Variants in PSG3 observed in about 807,000 individuals in gnomAD.
PSG3 encodes the protein pregnancy specific beta-1-glycoprotein 3.
A neutral mutation model predicts 47.5 loss-of-function variants in PSG3; 61 were observed. The ratio of observed to expected loss-of-function variants is 1.28; its 90% CI spans 1.05 to 1.59. The LOEUF is 1.59. PSG3 is among the 40% of genes most tolerant of loss of function. The probability of loss-of-function intolerance (pLI) is 0.00; values close to 1 mark genes in which losing one functional copy is unlikely to be tolerated. For synonymous variants in PSG3, 263 were observed against 198.4 expected, an observed-to-expected ratio of 1.33 and a Z score of -2.74; for missense variants, 756 against 524.0, an observed-to-expected ratio of 1.44 and a Z score of -4.32.
rs560458471 is a variant in PSG3, at chr19:42,722,008, C to G, written c.*123G>C. 1 of 416,548 alleles carries G rather than the reference C, an allele frequency of 2.4e-6. No individual in the cohort carries two copies. The highest frequency in any genetic ancestry group is 4.4e-6 in the Non-Finnish European group (1 of 227,288). 25.8% of individuals were successfully genotyped at this position (416,548 alleles called of 1,614,324 possible). ...TGTATTCAAGAGTCCTTGTCAGAGTCTTTTCATAAATCTCCTTGAACAAAA... is the reference window on the plus strand; with the variant it reads ...TGTATTCAAGAGTCCTTGTCAGAGTGTTTTCATAAATCTCCTTGAACAAAA... On this transcript the variant is annotated 3_prime_UTR_variant, in exon 7 of 7. Coordinates refer to ENST00000327495, the MANE Select transcript of PSG3 (RefSeq NM_021016.4).
At chr19:42,726,872 G>A (rs1334784520) in intron 5 of PSG3, among the ~76,000 whole-genome samples, 1 of 152,176 alleles carries the variant, frequency 6.6e-6, no homozygotes, top group African/African-American at 2.4e-5. Context: ...CACACTTCCT[G>A]ATTTCAGCAT....
At chr19:42,732,649 G>A in intron 3 of PSG3, 135 bp downstream of exon 3, 16 of 1,599,244 alleles carry the variant, frequency 1.0e-5, no homozygotes, top group Middle Eastern at 1.8e-4. Flanking sequence ...GCCTGGGGCA[G>A]AAAGTCATGG....
intron 5 of PSG3, among the ~76,000 whole-genome samples, chr19:42,726,579 C>G (rs1268616645): frequency 6.6e-6 from 1 of 151,810 alleles, no homozygotes; most frequent in Non-Finnish European, 1.5e-5. Context: ...ATGAGTTTAA[C>G]CAAAGAGGTA....
At chr19:42,726,696 TAGG>T (rs992020260) in intron 5 of PSG3, among the ~76,000 whole-genome samples, 3 of 152,220 alleles carry the variant, frequency 2.0e-5, no homozygotes, top group African/African-American at 7.2e-5. Flanking sequence ...TCAATATTGT[TAGG>T]AGGACAGTGC....
intron 2 of PSG3, among the ~76,000 whole-genome samples, chr19:42,738,053 A>T (rs1969595895): frequency 6.6e-6 from 1 of 152,116 alleles, no homozygotes; most frequent in Non-Finnish European, 1.5e-5. Context: ...GGGACATTAG[A>T]CTTTCTATGG....
chr19:42,739,044 G>A lies in PSG3; in HGVS notation c.110C>T (p.Thr37Met), dbSNP rs368098899. The A allele has an allele frequency of 1.7e-5, 27 of 1,612,830 alleles. No individual in the cohort carries two copies. Among genetic ancestry groups the A allele is most frequent in the African/African-American group, 9.4e-5 (7 of 74,804 alleles). The change falls in exon 2 of 7, where the codon ACG becomes ATG. Residue 37 changes from threonine (T) to methionine (M), a missense_variant. Thr to Met is a moderately conservative substitution (Grantham distance 81). Coordinates refer to ENST00000327495, the MANE Select transcript of PSG3 (RefSeq NM_021016.4). Reference sequence around the variant, plus strand: ...AACTTTGGTTGGCTCGGCTTCAATCGTGACTTGGGCAGTGGTAGGCAAGTT... The same window carrying A: ...AACTTTGGTTGGCTCGGCTTCAATCATGACTTGGGCAGTGGTAGGCAAGTT... ...FWNLPTTAQVTIEAEPTKVSK... is the reference protein window; with the variant it reads ...FWNLPTTAQVMIEAEPTKVSK...
At chr19:42,736,389 G>A (rs1474991823) in intron 2 of PSG3, among the ~76,000 whole-genome samples, 2 of 152,076 alleles carry the variant, frequency 1.3e-5, no homozygotes, top group African/African-American at 2.4e-5. Context: ...ACCTAGAGGT[G>A]GATTCAAGCA....
intron 2 of PSG3, chr19:42,733,387 C>A (rs1471972109): frequency 8.7e-5 from 33 of 378,158 alleles, no homozygotes; most frequent in Non-Finnish European, 2.4e-5. Flanking sequence ...CCTGGCCCAC[C>A]TTGTGGTCCT....
At chr19:42,739,511 T>A in intron 1 of PSG3, 2 of 187,386 alleles carry the variant, frequency 1.1e-5, no homozygotes, top group Non-Finnish European at 2.3e-5. Context: ...ACACCTGACC[T>A]CACATTCTAG....
In PSG3 at chr19:42,740,327, G is replaced by C. The variant is rs778276569; in HGVS notation, c.58C>G (p.Leu20Val). 1.4e-5 allele frequency: 23 copies of C among 1,613,796 alleles called. No individual in the cohort carries two copies. The highest frequency in any genetic ancestry group is 2.2e-5 in the South Asian group (2 of 91,076). ...TQRITWKGLL[L>V]TALLLNFWNL... is the part of the protein sequence containing the mutation. ...CAGGAAGTTCTCTCCTCACCTGTGA[G>C]CAGGAGCCCCTTCCAGGTGATGCGC... Residue 20 changes from leucine to valine, a missense_variant, in exon 1 of 7, where the codon CTC becomes GTC. Coordinates refer to ENST00000327495, the MANE Select transcript of PSG3 (RefSeq NM_021016.4).
At position 42,721,757 on chromosome 19, in the gene PSG3, ATACTT is replaced by A. The variant is rs1340298441; in HGVS notation, c.*369_*373del. 2.5e-6 allele frequency: 1 copy of A among 400,232 alleles called. No homozygotes were observed. Among genetic ancestry groups the A allele is most frequent in the South Asian group, 1.4e-4 (1 of 6,968 alleles). 24.8% of individuals were successfully genotyped at this position (400,232 alleles called of 1,614,324 possible). A position where few individuals can be genotyped will look rare whatever the true frequency, so the allele number is the denominator to read the frequency against. The stretch of plus-strand genomic sequence containing the variant: ...TGTTTCAATTTTTGTTTACAAAAGT[ATACTT>A]TACCAATTGCTGAAGAAAAAAAGTG... On this transcript the variant is annotated 3_prime_UTR_variant, in exon 7 of 7. Coordinates refer to ENST00000327495, the MANE Select transcript of PSG3 (RefSeq NM_021016.4).
At chr19:42,726,717 C>T (rs1433136218) in intron 5 of PSG3, among the ~76,000 whole-genome samples, 6 of 152,166 alleles carry the variant, frequency 3.9e-5, no homozygotes, top group South Asian at 4.1e-4. Context: ...TGCTACCTGA[C>T]GTGAGCTGCA....
At chr19:42,737,109 C>A (rs1969577264) in intron 2 of PSG3, among the ~76,000 whole-genome samples, 1 of 152,046 alleles carries the variant, frequency 6.6e-6, no homozygotes, top group South Asian at 2.1e-4. Context: ...ACCCCAGGGA[C>A]CAGGTGCCCC....
rs1229161075 is a variant in PSG3 at position 42,737,135 on chromosome 19, G to C, written c.430+1589C>G. Among the ~76,000 whole-genome samples, 4 of 152,074 alleles carry C rather than the reference G, an allele frequency of 2.6e-5. No homozygotes were observed. The East Asian group carries it at 7.7e-4, about 29-fold the overall frequency. Reference sequence around the variant, plus strand: ...CAGGTGCCCCCAGTTCCACAGTCCAGGACCAAGGAGCCCTGAGAACCCTCC... The same window carrying C: ...CAGGTGCCCCCAGTTCCACAGTCCACGACCAAGGAGCCCTGAGAACCCTCC... On this transcript the variant is annotated intron_variant, in intron 2 of 6. Coordinates refer to ENST00000327495, the MANE Select transcript of PSG3 (RefSeq NM_021016.4).
chr19:42,730,604 C>T (rs1969457751), intron 3 of PSG3, among the ~76,000 whole-genome samples: 1 of 152,208 alleles, frequency 6.6e-6, no homozygotes, highest in Non-Finnish European at 1.5e-5. Flanking sequence ...AGAATCAAGC[C>T]TGGAGGTCAG....
rs1163207621 is a variant in PSG3 at position 42,721,967 on chromosome 19, G to A, written c.*164C>T. ...GTTCTTAGTCCAGTGGTATGATCTTGAAGTTATCAGGAACTTGTATTCAAG... is the reference window on the plus strand; with the variant it reads ...GTTCTTAGTCCAGTGGTATGATCTTAAAGTTATCAGGAACTTGTATTCAAG... On this transcript the variant is annotated 3_prime_UTR_variant, in exon 7 of 7. Transcript: ENST00000327495. 9.6e-6 allele frequency: 4 copies of A among 416,462 alleles called. No individual in the cohort carries two copies. Among genetic ancestry groups the A allele is most frequent in the Non-Finnish European group, 1.8e-5 (4 of 227,186 alleles). The allele number at this position is 416,462 out of a possible 1,614,324, so 25.8% of individuals were successfully genotyped here. A position where few individuals can be genotyped will look rare whatever the true frequency, so the allele number is the denominator to read the frequency against.
chr19:42,731,929 T>C (rs1969478657), intron 3 of PSG3: 1 of 151,332 alleles, frequency 6.6e-6, no homozygotes, highest in African/African-American at 2.5e-5. Flanking sequence ...AGATTGTTCA[T>C]TGTTAGTGTA....
At chr19:42,734,460 T>C (rs1969528257) in intron 2 of PSG3, among the ~76,000 whole-genome samples, 1 of 152,148 alleles carries the variant, frequency 6.6e-6, no homozygotes, top group East Asian at 1.9e-4. Flanking sequence ...AATTTTCCCA[T>C]AAAAATTTGT....
chr19:42,729,677 T>A lies in PSG3; in HGVS notation c.988+101A>T, dbSNP rs575279264. The A allele has an allele frequency of 8.3e-3, 12,938 of 1,564,646 alleles. 102 individuals are homozygous for A. Among genetic ancestry groups the A allele is most frequent in the Non-Finnish European group, 8.3e-3 (9,626 of 1,156,862 alleles). On this transcript the variant is annotated intron_variant, in intron 4 of 6. Transcript: ENST00000327495. The stretch of plus-strand genomic sequence containing the variant: ...GGCCAGCTCGGATGTCCAGAAGTAA[T>A]GGTATCTATACTTGGACCAGAGAGA...
Sources: gnomAD v4.1 joint callset for allele counts (sites outside exome capture counted in the v4.1 genomes callset) on GRCh38, gnomAD v4.1.1 for gene constraint, MANE v1.5 for transcripts, NCBI Gene and HGNC (gene_info 2026-07-23, HGNC 2026-07-21) for gene names.